The following CKAP5 variants were observed in gnomAD, a reference collection of about 807,000 sequenced individuals.
CKAP5 encodes cytoskeleton associated protein 5.
CKAP5 carries 27 observed loss-of-function variants against 232.8 expected under a neutral mutation model. The ratio of observed to expected loss-of-function variants is 0.12; its 90% CI spans 0.09 to 0.16. CKAP5 has a LOEUF of 0.16. Among genes scored for constraint, CKAP5 ranks in the 10% least tolerant of loss-of-function variants. The probability of loss-of-function intolerance (pLI) is 1.00; values close to 1 mark genes in which losing one functional copy is unlikely to be tolerated. For synonymous variants in CKAP5, 785 were observed against 841.1 expected, an observed-to-expected ratio of 0.93 and a Z score of 1.16; for missense variants, 1,838 against 2,424.7, an observed-to-expected ratio of 0.76 and a Z score of 5.08.
chr11:46,798,014 GAACA>G lies in CKAP5; in HGVS notation c.1174-49_1174-46del, dbSNP rs1428711484. The G allele has an allele frequency of 1.9e-6, 3 of 1,605,518 alleles. No individual in the cohort carries two copies. In the South Asian group the frequency reaches 3.3e-5, roughly 18 times the overall value. On this transcript the variant is annotated intron_variant, in intron 10 of 43. Transcript: ENST00000529230. ...TTAATGAGCTTTTTTCAATTGTAAA[GAACA>G]ATCAAAATATTATATTTACAAACTT...
At chr11:46,775,978 A>G (rs2065287671) in intron 24 of CKAP5, among the ~76,000 whole-genome samples, 1 of 152,192 alleles carries the variant, frequency 6.6e-6, no homozygotes, top group South Asian at 2.1e-4. Context: ...ATAATAAAAA[A>G]AACACAAAAC....
At position 46,758,933 on chromosome 11, in the gene CKAP5, G is replaced by A. The variant is rs1238929075; in HGVS notation, c.4679C>T (p.Ala1560Val). The change falls in exon 35 of 44, where the codon GCT (alanine) becomes GTT (valine). Residue 1560 changes from alanine to valine, a missense_variant. Transcript: ENST00000529230. Reference sequence around the variant, plus strand: ...GAGCACACCCATTACCTGTGTCAGAGCTTGGATACTTGTGTTGATGTCACC... The same window carrying A: ...GAGCACACCCATTACCTGTGTCAGAACTTGGATACTTGTGTTGATGTCACC... ...ASGDINTSIQALTQIDEVLRQ... is the reference protein window; with the variant it reads ...ASGDINTSIQVLTQIDEVLRQ... 6.2e-7 allele frequency: 1 copy of A among 1,613,774 alleles called. No homozygotes were observed. Among genetic ancestry groups the A allele is most frequent in the Non-Finnish European group, 8.5e-7 (1 of 1,179,954 alleles).
chr11:46,790,148 G>C lies in CKAP5; in HGVS notation c.1803C>G (p.Pro601=). ...TGTCAAGAAGCTGTATACAGGTAGG[G>C]GGAAGAACAGCTGAAGCTTTTTCTT... ...VCEEKASAVL[P]PTCIQLLDSS... Residue 601 remains proline (P), a synonymous_variant, in exon 15 of 44, where the codon CCC becomes CCG. Transcript: ENST00000529230. The C allele has an allele frequency of 1.9e-6, 3 of 1,610,482 alleles. No individual in the cohort carries two copies. The highest frequency in any genetic ancestry group is 2.5e-6 in the Non-Finnish European group (3 of 1,177,454).
intron 27 of CKAP5, among the ~76,000 whole-genome samples, chr11:46,766,208 A>T (rs1395963093): frequency 6.6e-6 from 1 of 152,220 alleles, no homozygotes; most frequent in Non-Finnish European, 1.5e-5. Context: ...TTTCTAGTAT[A>T]AACACTAATG....
intron 13 of CKAP5, among the ~76,000 whole-genome samples, chr11:46,792,737 A>C (rs951336366): frequency 7.2e-5 from 11 of 152,150 alleles, no homozygotes; most frequent in African/African-American, 2.7e-4. Flanking sequence ...AATTCCTCAT[A>C]ATAAGAGAAG....
intron 29 of CKAP5, 148 bp from the exon 30 acceptor site, chr11:46,763,327 C>A (rs2065172033): frequency 1.1e-5 from 10 of 945,240 alleles, no homozygotes; most frequent in South Asian, 3.5e-5. Context: ...AATATACACA[C>A]ACATTCATTT....
At chr11:46,798,763 TTAGA>T (rs1938957857) in intron 9 of CKAP5, among the ~76,000 whole-genome samples, 1 of 152,132 alleles carries the variant, frequency 6.6e-6, no homozygotes, top group African/African-American at 2.4e-5. Context: ...TGTTCTGGAA[TTAGA>T]TAGTGCTGAT....
At chr11:46,819,453 G>A (rs1174922148) in intron 2 of CKAP5, among the ~76,000 whole-genome samples, 2 of 152,142 alleles carry the variant, frequency 1.3e-5, no homozygotes, top group African/African-American at 4.8e-5. Flanking sequence ...CAATGGGAAA[G>A]CAATGAAATG....
intron 24 of CKAP5, among the ~76,000 whole-genome samples, chr11:46,775,168 G>C (rs2065280402): frequency 6.6e-6 from 1 of 152,174 alleles, no homozygotes; most frequent in Admixed American, 6.5e-5. Flanking sequence ...CCATCAAAAA[G>C]TGGGTGAAGG....
chr11:46,751,400 G>A lies in CKAP5; in HGVS notation c.5268C>T (p.Pro1756=), dbSNP rs745589422. ...GTAGCAGGGTCTTTAGGGTCCTTAT[G>A]GGAAATTCACTTTTGCATTGCTTCA... ...EKLKQCKSEF[P]IRTLKTLLHT... is the part of the protein sequence containing the mutation. The change falls in exon 39 of 44, where the codon CCC becomes CCT. Residue 1756 remains proline (P), a synonymous_variant. Coordinates refer to ENST00000529230, the MANE Select transcript of CKAP5 (RefSeq NM_001008938.4). 3 of 1,613,964 alleles carry A rather than the reference G, an allele frequency of 1.9e-6. No individual in the cohort carries two copies. The highest frequency in any genetic ancestry group is 4.5e-5 in the East Asian group (2 of 44,902).
chr11:46,810,939 C>T, intron 5 of CKAP5, 68 bp downstream of exon 5: 1 of 1,343,790 alleles, frequency 7.4e-7, no homozygotes, highest in Non-Finnish European at 1.0e-6. Flanking sequence ...AGAATATCAA[C>T]AACGATAGGA....
chr11:46,744,513 A>G lies in CKAP5; in HGVS notation c.5769T>C (p.Gly1923=), dbSNP rs1365536388. Residue 1923 remains glycine, a synonymous_variant, in exon 43 of 44, where the codon GGT becomes GGC. Coordinates refer to ENST00000529230, the MANE Select transcript of CKAP5 (RefSeq NM_001008938.4). ...GCCCCACTTCTTCCCCATTTGTGTT[A>G]CCTATGGAGGACACTGTGCTTGTGG... ...PTPTSTVSSI[G]NTNGEEVGPS... 1 of 1,614,070 alleles carries G rather than the reference A, an allele frequency of 6.2e-7. No individual in the cohort carries two copies. The highest frequency in any genetic ancestry group is 2.2e-5 in the East Asian group (1 of 44,862).
intron 8 of CKAP5, among the ~76,000 whole-genome samples, chr11:46,802,557 G>GACAGACACACACAC (rs1366464897): frequency 6.8e-6 from 1 of 147,448 alleles, no homozygotes; most frequent in African/African-American, 2.5e-5. Context: ...CAGACAGACA[G>GACAGACACACACAC]ACACACACAC....
chr11:46,809,801 T>C lies in CKAP5; in HGVS notation c.704A>G (p.Gln235Arg). ...APRPTRFLRS[Q>R]QELEAKLEQQ... ...TTCCAATTTAGCTTCTAGTTCTTGT[T>C]GGGAACGAAGAAATCGAGTAGGTCT... is the stretch of plus-strand genomic sequence containing the variant. Residue 235 changes from glutamine to arginine, a missense_variant, in exon 6 of 44, where the codon CAA (glutamine) becomes CGA (arginine). This residue lies in a region of CKAP5 where 285 missense variants were observed against 300.0 expected (regional missense o/e 0.95). Coordinates refer to ENST00000529230, the MANE Select transcript of CKAP5 (RefSeq NM_001008938.4). The C allele has an allele frequency of 1.2e-6, 2 of 1,614,136 alleles. No homozygotes were observed. Among genetic ancestry groups the C allele is most frequent in the Non-Finnish European group, 1.7e-6 (2 of 1,180,020 alleles).
intron 17 of CKAP5, among the ~76,000 whole-genome samples, 188 bp downstream of exon 17, chr11:46,784,300 T>G (rs536882186): frequency 6.6e-6 from 1 of 151,732 alleles, no homozygotes. Flanking sequence ...CCCGGGAGGG[T>G]TGCAGTGAGC....
chr11:46,793,858 T>C (rs973834851), intron 13 of CKAP5, among the ~76,000 whole-genome samples: 3 of 151,640 alleles, frequency 2.0e-5, no homozygotes, highest in Non-Finnish European at 4.4e-5. Context: ...ACCTAGGGGG[T>C]GGAGGTTGCA....
intron 1 of CKAP5, chr11:46,826,639 GCATTGTTTACGCTCTTTCGCCGC>G (rs1939658338): frequency 6.6e-6 from 1 of 152,372 alleles, no homozygotes; most frequent in Admixed American, 6.5e-5. Flanking sequence ...ACTGGAGCCG[GCATTGTTTACGCTCTTTCGCCGC>G]CTTAGCCTCT....
intron 1 of CKAP5, among the ~76,000 whole-genome samples, chr11:46,835,482 GA>G (rs1166734686): frequency 1.4e-5 from 2 of 144,066 alleles, no homozygotes; most frequent in East Asian, 2.0e-4. Context: ...TGTTCAAAAA[GA>G]AAAAAAAAAT....
chr11:46,776,920 G>A (rs1388012940), intron 23 of CKAP5, among the ~76,000 whole-genome samples: 1 of 151,992 alleles, frequency 6.6e-6, no homozygotes, highest in East Asian at 1.9e-4. Flanking sequence ...GCTAAACATT[G>A]TAACCTTCAA....
Sources: allele counts gnomAD v4.1 joint callset (sites outside exome capture counted in the v4.1 genomes callset), GRCh38; gene constraint gnomAD v4.1.1; regional missense constraint gnomAD v4.1.1; transcripts MANE v1.5; gene names NCBI Gene and HGNC (gene_info 2026-07-23, HGNC 2026-07-21).